CNOT6L: variants seen among roughly 807,000 people sequenced by gnomAD.
The protein encoded by CNOT6L is CCR4-NOT transcription complex subunit 6-like.
CNOT6L carries 7 observed loss-of-function variants against 64.0 expected under a neutral mutation model. The ratio of observed to expected loss-of-function variants is 0.11; its 90% CI spans 0.06 to 0.21. The LOEUF is 0.21. Among genes scored for constraint, CNOT6L ranks in the 10% least tolerant of loss-of-function variants. CNOT6L has a pLI of 1.00. For synonymous variants in CNOT6L, 193 were observed against 243.4 expected, an observed-to-expected ratio of 0.79 and a Z score of 1.93; for missense variants, 245 against 669.0, an observed-to-expected ratio of 0.37 and a Z score of 6.99.
chr4:77,817,837 G>A (rs555358968), intron 1 of CNOT6L, among the ~76,000 whole-genome samples: 2 of 152,306 alleles, frequency 1.3e-5, no homozygotes, highest in Admixed American at 6.5e-5. Context: ...TACAAGGATC[G>A]AAACTGTATT....
At chr4:77,734,049 A>C (rs1431648613) in intron 8 of CNOT6L, among the ~76,000 whole-genome samples, 2 of 152,180 alleles carry the variant, frequency 1.3e-5, no homozygotes, top group African/African-American at 2.4e-5. Flanking sequence ...GGCATAAATG[A>C]ACTACAGCCT....
intron 4 of CNOT6L, among the ~76,000 whole-genome samples, chr4:77,763,057 C>T (rs541690937): frequency 1.3e-5 from 2 of 151,670 alleles, no homozygotes; most frequent in African/African-American, 2.4e-5. Flanking sequence ...CAATTTCAAA[C>T]GAAGAGAAAG....
At chr4:77,812,485 G>A (rs1406891253) in intron 1 of CNOT6L, among the ~76,000 whole-genome samples, 1 of 150,320 alleles carries the variant, frequency 6.7e-6, no homozygotes, top group Non-Finnish European at 1.5e-5. Context: ...ATTCAGCAAG[G>A]TTGGAGGATA....
At chr4:77,722,063 A>T (rs1577914445) in intron 11 of CNOT6L, among the ~76,000 whole-genome samples, 1 of 152,134 alleles carries the variant, frequency 6.6e-6, no homozygotes, top group Non-Finnish European at 1.5e-5. Context: ...AGGGGACTCC[A>T]AGTTTAAACA....
intron 1 of CNOT6L, among the ~76,000 whole-genome samples, chr4:77,810,674 T>C (rs1732829288): frequency 6.6e-6 from 1 of 152,164 alleles, no homozygotes; most frequent in Non-Finnish European, 1.5e-5. Flanking sequence ...TCCTAGCTAT[T>C]TGAAACTACA....
intron 8 of CNOT6L, 23 bp downstream of exon 8, chr4:77,742,118 T>C: frequency 1.2e-6 from 2 of 1,604,390 alleles, no homozygotes; most frequent in Non-Finnish European, 1.7e-6. Context: ...AGTACACCAT[T>C]GTGCTTTGTT....
intron 1 of CNOT6L, among the ~76,000 whole-genome samples, chr4:77,811,603 T>C (rs938942997): frequency 3.9e-5 from 6 of 152,036 alleles, no homozygotes; most frequent in Non-Finnish European, 7.4e-5. Context: ...GAGGAAAATC[T>C]AGCCCCTCTT....
chr4:77,730,138 T>C (rs960298568), intron 9 of CNOT6L, among the ~76,000 whole-genome samples: 2 of 152,124 alleles, frequency 1.3e-5, no homozygotes, highest in Non-Finnish European at 2.9e-5. Context: ...AAGACCTAAT[T>C]TTCTAAGTCT....
In CNOT6L at chr4:77,741,863, C is replaced by T. The variant is rs545175468; in HGVS notation, c.872+278G>A. Reference sequence around the variant, plus strand: ...TTTTTACACAAAAACTAATACTTTACTTCATGAAAATATGTTCTGAAATAT... The same window carrying T: ...TTTTTACACAAAAACTAATACTTTATTTCATGAAAATATGTTCTGAAATAT... On this transcript the variant is annotated intron_variant, in intron 8 of 11. Transcript: ENST00000504123. 1.3e-3 allele frequency among the ~76,000 whole-genome samples: 204 copies of T among 152,198 alleles called. 1 individual carries two copies. The highest frequency in any genetic ancestry group is 0.01 in the Middle Eastern group (3 of 294).
intron 8 of CNOT6L, among the ~76,000 whole-genome samples, chr4:77,737,390 CT>C (rs1723072131): frequency 6.8e-6 from 1 of 146,280 alleles, no homozygotes; most frequent in African/African-American, 2.5e-5. Context: ...AAATAACATC[CT>C]ATATTTGTAC....
intron 1 of CNOT6L, among the ~76,000 whole-genome samples, chr4:77,788,835 A>C (rs1377774235): frequency 6.6e-6 from 1 of 151,934 alleles, no homozygotes; most frequent in Non-Finnish European, 1.5e-5. Context: ...AAAAAAAAAC[A>C]CAAGGCAATA....
At chr4:77,776,744 T>G (rs1421067636) in intron 1 of CNOT6L, among the ~76,000 whole-genome samples, 1 of 152,212 alleles carries the variant, frequency 6.6e-6, no homozygotes, top group East Asian at 1.9e-4. Flanking sequence ...ATAAGGTAAT[T>G]CTATCCTCCT....
intron 1 of CNOT6L, among the ~76,000 whole-genome samples, chr4:77,802,175 T>C (rs1229912427): frequency 2.0e-5 from 3 of 152,306 alleles, no homozygotes; most frequent in East Asian, 3.9e-4. Context: ...TACAGTAATT[T>C]GTAACTATTA....
At chr4:77,781,263 G>A (rs1260085015) in intron 1 of CNOT6L, among the ~76,000 whole-genome samples, 1 of 152,010 alleles carries the variant, frequency 6.6e-6, no homozygotes, top group African/African-American at 2.4e-5. Context: ...CGGGTTGATA[G>A]GTGCAACAAA....
intron 5 of CNOT6L, among the ~76,000 whole-genome samples, chr4:77,754,914 C>CAAAAAAAAAAAAAAAAAA (rs1725338243): frequency 5.8e-5 from 1 of 17,108 alleles, no homozygotes. Flanking sequence ...AAAAAAAAAA[C>CAAAAAAAAAAAAAAAAAA]CGGTTTCTAG....
intron 1 of CNOT6L, among the ~76,000 whole-genome samples, chr4:77,787,458 A>G (rs1168539183): frequency 2.0e-5 from 3 of 152,190 alleles, no homozygotes; most frequent in Non-Finnish European, 4.4e-5. Context: ...CCCTGTACTT[A>G]TATTAAATAT....
At chr4:77,807,840 T>G (rs1560438904) in intron 1 of CNOT6L, among the ~76,000 whole-genome samples, 1 of 152,216 alleles carries the variant, frequency 6.6e-6, no homozygotes, top group Non-Finnish European at 1.5e-5. Context: ...AATCTGTCAC[T>G]TACTTGACCT....
intron 11 of CNOT6L, among the ~76,000 whole-genome samples, chr4:77,722,708 A>C (rs1721416942): frequency 6.6e-6 from 1 of 152,210 alleles, no homozygotes; most frequent in South Asian, 2.1e-4. Flanking sequence ...TGAAATATCC[A>C]GAGTAAAAAC....
intron 1 of CNOT6L, among the ~76,000 whole-genome samples, chr4:77,793,641 T>C (rs1730438211): frequency 1.3e-5 from 2 of 152,100 alleles, no homozygotes; most frequent in South Asian, 4.1e-4. Context: ...ACAGGAATTC[T>C]GGGCATTTCC....
Sources: allele counts gnomAD v4.1 joint callset (sites outside exome capture counted in the v4.1 genomes callset), GRCh38; gene constraint gnomAD v4.1.1; transcripts MANE v1.5; gene names NCBI Gene and HGNC (gene_info 2026-07-23, HGNC 2026-07-21).